The following PVT1 variants were observed in gnomAD, a reference collection of about 807,000 sequenced individuals.
PVT1 encodes the protein Pvt1 oncogene.
intron 4 of PVT1, among the ~76,000 whole-genome samples, chr8:128,065,939 G>A (rs1156627857): frequency 1.3e-5 from 2 of 152,184 alleles, no homozygotes. Flanking sequence ...AGGCAGATAG[G>A]GAGCTTAGAA....
At chr8:127,938,224 C>T (rs1405954865) in intron 3 of PVT1, among the ~76,000 whole-genome samples, 2 of 152,188 alleles carry the variant, frequency 1.3e-5, no homozygotes, top group Non-Finnish European at 2.9e-5. Flanking sequence ...CACAAAGAGG[C>T]GACAAGCCCT....
At position 127,972,784 on chromosome 8, in the gene PVT1, C is replaced by T. The variant is rs150460007; in HGVS notation, n.783-16378C>T. Among the ~76,000 whole-genome samples, 816 of 152,190 alleles carry T rather than the reference C, an allele frequency of 5.4e-3. 5 individuals carry two copies. The highest frequency in any genetic ancestry group is 0.017 in the African/African-American group (717 of 41,542). Reference sequence around the variant, plus strand: ...AATAGAAATAGCTTTGCCAGGGTTCCGCTCCCAGAGAAGCTGATGACATAA... The same window carrying T: ...AATAGAAATAGCTTTGCCAGGGTTCTGCTCCCAGAGAAGCTGATGACATAA... On this transcript the variant is annotated intron_variant and non_coding_transcript_variant, in intron 3 of 10. Transcript: ENST00000651587.
chr8:127,924,888 T>A (rs1206082398), intron 3 of PVT1, among the ~76,000 whole-genome samples: 2 of 152,226 alleles, frequency 1.3e-5, no homozygotes, highest in South Asian at 4.1e-4. Flanking sequence ...CCTTAAGCGA[T>A]CCACCCACCT....
intron 3 of PVT1, among the ~76,000 whole-genome samples, chr8:127,966,962 T>A (rs1586459479): frequency 6.6e-6 from 1 of 152,094 alleles, no homozygotes; most frequent in Non-Finnish European, 1.5e-5. Flanking sequence ...GGCTAGTGGG[T>A]TTGCTGGCTG....
rs534829925 is a variant in PVT1, at chr8:127,931,694, A to G, written n.782+40696A>G. Among the ~76,000 whole-genome samples, 276 of 152,320 alleles carry G rather than the reference A, an allele frequency of 1.8e-3. 1 individual carries two copies. Among genetic ancestry groups the G allele is most frequent in the Non-Finnish European group, 3.3e-3 (225 of 68,012 alleles). ...TAACCACTGAGCGGCACTGCCACCCAACGGATGGGAGCCTGCAGGATGAGG... is the reference window on the plus strand; with the variant it reads ...TAACCACTGAGCGGCACTGCCACCCGACGGATGGGAGCCTGCAGGATGAGG... On this transcript the variant is annotated intron_variant and non_coding_transcript_variant, in intron 3 of 10. Transcript: ENST00000651587.
chr8:128,046,656 C>A (rs1485704597), intron 4 of PVT1, among the ~76,000 whole-genome samples: 1 of 152,156 alleles, frequency 6.6e-6, no homozygotes, highest in Non-Finnish European at 1.5e-5. Context: ...TGAGAAATAC[C>A]CTTTACAGTC....
intron 3 of PVT1, among the ~76,000 whole-genome samples, chr8:127,976,605 A>G (rs1368225651): frequency 2.6e-5 from 4 of 152,176 alleles, no homozygotes; most frequent in African/African-American, 9.7e-5. Flanking sequence ...ACCTATGGTT[A>G]TAATAACACC....
At chr8:128,043,091 G>A (rs1194100266) in intron 4 of PVT1, among the ~76,000 whole-genome samples, 1 of 152,160 alleles carries the variant, frequency 6.6e-6, no homozygotes, top group African/African-American at 2.4e-5. Flanking sequence ...TAAGGAGTGG[G>A]GATGGGTCAA....
intron 2 of PVT1, among the ~76,000 whole-genome samples, chr8:127,799,328 G>A (rs1025486042): frequency 6.6e-6 from 1 of 152,138 alleles, no homozygotes; most frequent in South Asian, 2.1e-4. Context: ...AGAGGCTGAG[G>A]CAGGAGGATT....
intron 2 of PVT1, among the ~76,000 whole-genome samples, chr8:127,798,174 C>T (rs1235794220): frequency 6.6e-6 from 1 of 151,792 alleles, no homozygotes; most frequent in Non-Finnish European, 1.5e-5. Context: ...CATGGTGGCG[C>T]ACACTTGTAA....
intron 6 of PVT1, chr8:128,099,579 C>G (rs1814475327): frequency 6.6e-6 from 1 of 152,136 alleles, no homozygotes; most frequent in African/African-American, 2.4e-5. Flanking sequence ...TATATGTATG[C>G]AGAAATATAA....
chr8:127,966,585 C>G (rs1816705097), intron 3 of PVT1, among the ~76,000 whole-genome samples: 1 of 152,216 alleles, frequency 6.6e-6, no homozygotes, highest in African/African-American at 2.4e-5. Flanking sequence ...GTAACCTGAA[C>G]TGCCTGACAT....
chr8:127,829,137 C>T lies in PVT1; in HGVS notation n.372+33066C>T, dbSNP rs530288457. On this transcript the variant is annotated intron_variant and non_coding_transcript_variant, in intron 2 of 10. Transcript: ENST00000651587. ...CTAAAAATACAAAAAATTAGCTGGA[C>T]GTGGTGGCAGGTGCCTGTAATCCCA... 7.9e-5 allele frequency among the ~76,000 whole-genome samples: 12 copies of T among 152,112 alleles called. No individual in the cohort carries two copies. The East Asian group carries it at 1.9e-3, about 24-fold the overall frequency.
At chr8:127,880,631 C>T (rs1212510998) in intron 2 of PVT1, among the ~76,000 whole-genome samples, 3 of 106,594 alleles carry the variant, frequency 2.8e-5, no homozygotes, top group Non-Finnish European at 5.7e-5. Context: ...GATGGAGTCT[C>T]ACTCTGTCTC....
At chr8:127,894,649 C>T (rs1053605487) in intron 3 of PVT1, among the ~76,000 whole-genome samples, 17 of 152,234 alleles carry the variant, frequency 1.1e-4, no homozygotes, top group African/African-American at 2.9e-4. Context: ...TTGGTATGTG[C>T]GACCTGTGGT....
intron 3 of PVT1, among the ~76,000 whole-genome samples, chr8:127,973,930 A>G (rs1339054384): frequency 1.3e-5 from 2 of 151,742 alleles, no homozygotes; most frequent in African/African-American, 4.8e-5. Flanking sequence ...CAGTGAGCCG[A>G]GATCGCACCA....
At chr8:127,891,081 C>T (rs1478827571) in intron 3 of PVT1, 1 of 152,464 alleles carries the variant, frequency 6.6e-6, no homozygotes, top group African/African-American at 2.4e-5. Context: ...TGAGCACCCT[C>T]TGTGTGGTTG....
chr8:128,002,035 C>T (rs1404775617), intron 4 of PVT1, among the ~76,000 whole-genome samples: 3 of 152,168 alleles, frequency 2.0e-5, no homozygotes, highest in Non-Finnish European at 2.9e-5. Flanking sequence ...CCTGCTCGAC[C>T]GAATTCACCT....
intron 3 of PVT1, among the ~76,000 whole-genome samples, chr8:127,952,770 A>ATT (rs200553184): frequency 0.036 from 5,320 of 148,574 alleles, 102 homozygotes; most frequent in South Asian, 0.05. Context: ...TTGTGCCTGC[A>ATT]TTTTTTTTTT....
Sources: gnomAD v4.1 joint callset for allele counts (sites outside exome capture counted in the v4.1 genomes callset) on GRCh38, gnomAD v4.1.1 for gene constraint, MANE v1.5 for transcripts, NCBI Gene and HGNC (gene_info 2026-07-23, HGNC 2026-07-21) for gene names.